CEP89: variants seen among roughly 807,000 people sequenced by gnomAD.
CEP89 encodes centrosomal protein 89.
In CEP89, 95 loss-of-function variants were observed where a neutral mutation model predicts 97.6. That is an observed-to-expected ratio of 0.97 (90% CI 0.82 to 1.15). The LOEUF is 1.15. Among genes scored for constraint, CEP89 ranks in the 50% most tolerant of loss-of-function variants. The probability of loss-of-function intolerance (pLI) is 0.00; values close to 1 mark genes in which losing one functional copy is unlikely to be tolerated. For missense variants in CEP89, 869 were observed against 947.7 expected (o/e 0.92, Z 1.09); for synonymous variants, 354 against 349.1 (o/e 1.01, Z -0.16).
rs368796276 is a variant in CEP89, at chr19:32,909,344, A to G, written c.1565+5993T>C. 8.5e-5 allele frequency among the ~76,000 whole-genome samples: 13 copies of G among 152,336 alleles called. No homozygotes were observed. The East Asian group carries it at 1.7e-3, about 20-fold the overall frequency. On this transcript the variant is annotated intron_variant, in intron 14 of 18. Transcript: ENST00000305768. ...TTGCATGCACCTTATCTATATACACAGAGGCCTGCTCAGCAGCCAGGGAGA... is the reference window on the plus strand; with the variant it reads ...TTGCATGCACCTTATCTATATACACGGAGGCCTGCTCAGCAGCCAGGGAGA...
chr19:32,942,116 A>G (rs896223841), intron 5 of CEP89, among the ~76,000 whole-genome samples: 5 of 152,114 alleles, frequency 3.3e-5, no homozygotes, highest in Non-Finnish European at 7.4e-5. Flanking sequence ...GCACACTGGC[A>G]CATGCCTGTA....
At chr19:32,912,967 C>T (rs886632874) in intron 14 of CEP89, among the ~76,000 whole-genome samples, 4 of 151,228 alleles carry the variant, frequency 2.6e-5, no homozygotes, top group Middle Eastern at 3.5e-3. Flanking sequence ...GCGTGAACCC[C>T]GGGGGGCGGA....
chr19:32,926,550 C>A (rs964527580), intron 10 of CEP89, among the ~76,000 whole-genome samples: 2 of 152,160 alleles, frequency 1.3e-5, no homozygotes, highest in African/African-American at 2.4e-5. Context: ...ACAGGCTTGA[C>A]CTCCTGCGGT....
intron 3 of CEP89, among the ~76,000 whole-genome samples, chr19:32,954,783 G>A (rs190200435): frequency 6.9e-6 from 1 of 145,570 alleles, no homozygotes; most frequent in Non-Finnish European, 1.6e-5. Flanking sequence ...TCCTGCCTCA[G>A]CCTCCTGAGT....
chr19:32,953,481 T>A (rs1970968840), intron 4 of CEP89, 134 bp downstream of exon 4: 1 of 661,080 alleles, frequency 1.5e-6, no homozygotes, highest in South Asian at 2.6e-5. Flanking sequence ...GCTGGACACG[T>A]TTAAAAAAAT....
intron 9 of CEP89, among the ~76,000 whole-genome samples, chr19:32,929,799 CTTTA>C (rs1970433611): frequency 6.6e-6 from 1 of 152,092 alleles, no homozygotes; most frequent in Non-Finnish European, 1.5e-5. Flanking sequence ...ACCCTAAGAA[CTTTA>C]TTTGTTTTTG....
chr19:32,879,802 A>AC (rs778370595), intron 18 of CEP89, among the ~76,000 whole-genome samples: 5 of 152,200 alleles, frequency 3.3e-5, no homozygotes, highest in Non-Finnish European at 5.9e-5. Flanking sequence ...GGCCACAGGC[A>AC]CCCACACAGC....
At chr19:32,882,071 G>C (rs1488995785) in intron 17 of CEP89, 58 bp from the exon 18 acceptor site, 3 of 1,447,096 alleles carry the variant, frequency 2.1e-6, no homozygotes, top group Non-Finnish European at 2.8e-6. Flanking sequence ...GGTGGACAGT[G>C]CCTCCTGGCT....
intron 5 of CEP89, among the ~76,000 whole-genome samples, chr19:32,946,425 A>G (rs1240052338): frequency 2.0e-5 from 3 of 152,254 alleles, no homozygotes; most frequent in African/African-American, 4.8e-5. Context: ...ATCTGGGGAC[A>G]TAGAAAGACA....
chr19:32,927,926 T>C (rs571217219), intron 9 of CEP89, among the ~76,000 whole-genome samples: 5 of 147,598 alleles, frequency 3.4e-5, no homozygotes, highest in South Asian at 2.2e-4. Flanking sequence ...TTTCTTTTTT[T>C]TTTTTTTTTG....
chr19:32,951,534 T>TATATATACACACACACAC (rs1407110112), intron 4 of CEP89, among the ~76,000 whole-genome samples: 1 of 122,042 alleles, frequency 8.2e-6, no homozygotes, highest in African/African-American at 3.4e-5. Context: ...TATATATATA[T>TATATATACACACACACAC]ACACACACAC....
intron 15 of CEP89, 55 bp from the exon 16 acceptor site, chr19:32,900,053 G>A (rs1251914261): frequency 1.3e-6 from 2 of 1,532,786 alleles, no homozygotes; most frequent in Non-Finnish European, 1.8e-6. Flanking sequence ...ACATGGCTAG[G>A]GCATGGTGAA....
In CEP89 at chr19:32,893,081, G is replaced by A. The variant is rs772228045; in HGVS notation, c.1876-5240C>T. On this transcript the variant is annotated intron_variant, in intron 16 of 18. Transcript: ENST00000305768. ...AATTAATTAAATTTTCCACTTAAAA[G>A]ATACAGACTGGCTGAATGGATATCA... Among the ~76,000 whole-genome samples the A allele has an allele frequency of 9.3e-5, 14 of 150,936 alleles. No individual in the cohort carries two copies. In the South Asian group the frequency reaches 2.7e-3, roughly 30 times the overall value.
intron 13 of CEP89, among the ~76,000 whole-genome samples, 170 bp downstream of exon 13, chr19:32,918,054 T>A (rs1233524493): frequency 6.6e-6 from 1 of 152,216 alleles, no homozygotes; most frequent in Non-Finnish European, 1.5e-5. Flanking sequence ...AAGCAATCTA[T>A]GCATTGAGGG....
intron 16 of CEP89, among the ~76,000 whole-genome samples, chr19:32,896,090 G>A (rs921678694): frequency 1.3e-5 from 2 of 152,208 alleles, no homozygotes; most frequent in African/African-American, 4.8e-5. Context: ...CATCAATGAC[G>A]TTTTTCACAG....
At chr19:32,913,750 T>C (rs969736966) in intron 14 of CEP89, among the ~76,000 whole-genome samples, 6 of 151,536 alleles carry the variant, frequency 4.0e-5, no homozygotes, top group Non-Finnish European at 8.8e-5. Context: ...GCAATTCTCC[T>C]GCCTCAGCCT....
intron 6 of CEP89, among the ~76,000 whole-genome samples, chr19:32,938,106 G>A (rs1970615631): frequency 6.6e-6 from 1 of 151,432 alleles, no homozygotes; most frequent in South Asian, 2.1e-4. Context: ...CCAACATGCT[G>A]GGATTACACT....
intron 4 of CEP89, among the ~76,000 whole-genome samples, chr19:32,952,413 G>A (rs150995561): frequency 6.6e-6 from 1 of 150,376 alleles, no homozygotes; most frequent in Non-Finnish European, 1.5e-5. Flanking sequence ...CCCAGGAGGA[G>A]GTGGCTATAA....
At chr19:32,954,372 G>T (rs1599774615) in intron 3 of CEP89, among the ~76,000 whole-genome samples, 2 of 146,980 alleles carry the variant, frequency 1.4e-5, no homozygotes, top group Non-Finnish European at 3.0e-5. Flanking sequence ...TTGTTTTTTT[G>T]TTTTTTTTTT....
Sources: gnomAD v4.1 joint callset for allele counts (sites outside exome capture counted in the v4.1 genomes callset) on GRCh38, gnomAD v4.1.1 for gene constraint, MANE v1.5 for transcripts, NCBI Gene and HGNC (gene_info 2026-07-23, HGNC 2026-07-21) for gene names.